The following EPHA2 variants were observed in gnomAD, a reference collection of about 807,000 sequenced individuals.
EPHA2 encodes ephrin type-A receptor 2.
Under a neutral mutation model 104.9 loss-of-function variants are expected in EPHA2, and 54 were observed. The ratio of observed to expected loss-of-function variants is 0.51; its 90% confidence interval spans 0.41 to 0.65. The LOEUF (loss-of-function observed/expected upper bound fraction) is 0.65, where lower values mean the gene tolerates loss of function less well. Ranked by LOEUF, EPHA2 falls within the 30% of genes least tolerant of loss-of-function variation. The pLI, the probability that EPHA2 is intolerant of heterozygous loss-of-function variation, is 0.00. For missense variants in EPHA2, 1,117 were observed against 1,369.5 expected (o/e 0.82, Z 2.91); for synonymous variants, 560 against 559.1 (o/e 1.00, Z -0.02).
chr1:16,137,745 C>T, intron 5 of EPHA2, 108 bp downstream of exon 5: 1 of 1,373,858 alleles, frequency 7.3e-7, no homozygotes, highest in Non-Finnish European at 1.0e-6. Flanking sequence ...CCTTTAACCA[C>T]TTGCTCTGCT....
At position 16,133,641 on chromosome 1, in the gene EPHA2, AGGAGGGGCCCCAT is replaced by A; in HGVS notation, c.1739-48_1739-36del. ...GAAGGGGTGGGGTCACAGGCAGCTCAGGAGGGGCCCCATGGGGGGTGCTCTGGAGTCAGAGGAG... is the reference window on the plus strand; with the variant it reads ...GAAGGGGTGGGGTCACAGGCAGCTCAGGGGGGTGCTCTGGAGTCAGAGGAG... On this transcript the variant is annotated intron_variant, in intron 9 of 16. Coordinates refer to ENST00000358432, the MANE Select transcript of EPHA2 (RefSeq NM_004431.5). 2.5e-6 allele frequency: 4 copies of A among 1,612,892 alleles called. No individual in the cohort carries two copies. The East Asian group carries it at 8.9e-5, about 36-fold the overall frequency.
At chr1:16,143,758 C>T (rs539058813) in intron 3 of EPHA2, among the ~76,000 whole-genome samples, 5 of 152,280 alleles carry the variant, frequency 3.3e-5, no homozygotes, top group East Asian at 3.9e-4. Context: ...AGCAGGTGAC[C>T]GCAGGAACCA....
rs574328737 is a variant in EPHA2 at position 16,142,046 on chromosome 1, A to G, written c.824-3616T>C. On this transcript the variant is annotated intron_variant, in intron 3 of 16. Coordinates refer to ENST00000358432, the MANE Select transcript of EPHA2 (RefSeq NM_004431.5). ...GATTTCCTGGCATTCTAGGCGGGCA[A>G]GTGGGGACAGGGGTCACACACACTC... Among the ~76,000 whole-genome samples the G allele has an allele frequency of 6.6e-5, 10 of 152,240 alleles. 1 individual carries two copies. Among genetic ancestry groups the G allele is most frequent in the African/African-American group, 2.4e-4 (10 of 41,534 alleles).
In EPHA2 at chr1:16,128,216, G is replaced by A. The variant is rs545252078; in HGVS notation, c.2825+1218C>T. Among the ~76,000 whole-genome samples, 1 of 152,344 alleles carries A rather than the reference G, an allele frequency of 6.6e-6. No homozygotes were observed. Among genetic ancestry groups the A allele is most frequent in the South Asian group, 2.1e-4 (1 of 4,824 alleles). ...GGTCACCCGCTAGGAAGTGGCAGAT[G>A]CGGGACTTGAACCCAGGTATGTGTG... On this transcript the variant is annotated intron_variant, in intron 16 of 16. Coordinates refer to ENST00000358432, the MANE Select transcript of EPHA2 (RefSeq NM_004431.5). This position sits in a 1 kb window ranked among gnomAD's most constrained non-coding sequence, Gnocchi z 4.7.
rs369605778 is a variant in EPHA2, at chr1:16,137,892, G to C, written c.1273C>G (p.Arg425Gly). ...CTGACACTGGCAGTACGGAAGCTGC[G>C]GCTGGTTACCAGGCCTGAGACGCCA... is the stretch of plus-strand genomic sequence containing the variant. ...RNGVSGLVTS[R>G]SFRTASVSIN... The change falls in exon 5 of 17, where the codon CGC becomes GGC. Residue 425 changes from arginine (R) to glycine (G), a missense_variant. Arg to Gly is a moderately radical substitution (Grantham distance 125, BLOSUM62 -2). Around this residue, in one of 3 missense-constraint regions of EPHA2, gnomAD observed 664 missense variants for 784.8 expected, o/e 0.85. Transcript: ENST00000358432. The C allele has an allele frequency of 1.1e-5, 17 of 1,613,790 alleles. No homozygotes were observed. The African/African-American group carries it at 1.7e-4, about 16-fold the overall frequency.
At chr1:16,141,706 A>G (rs868383465) in intron 3 of EPHA2, among the ~76,000 whole-genome samples, 1 of 152,228 alleles carries the variant, frequency 6.6e-6, no homozygotes, top group Non-Finnish European at 1.5e-5. Context: ...GGCTGCTTCT[A>G]TGCCAAGAGG....
chr1:16,138,017 A>C lies in EPHA2; in HGVS notation c.1148T>G (p.Val383Gly), dbSNP rs751403034. 1 of 1,613,812 alleles carries C rather than the reference A, an allele frequency of 6.2e-7. No individual in the cohort carries two copies. The highest frequency in any genetic ancestry group is 2.2e-5 in the East Asian group (1 of 44,884). ...SGECGPCEAS[V>G]RYSEPPHGLT... ...TCCGTGAGGAGGCTCCGAGTAGCGC[A>C]CACTGGCCTCACACGGCCCGCATTC... is the stretch of plus-strand genomic sequence containing the variant. Residue 383 changes from valine to glycine, a missense_variant, in exon 5 of 17, where the codon GTG becomes GGG. Physicochemically the swap from Val to Gly is moderately radical, Grantham distance 109 (BLOSUM62 -3). This residue lies in a region of EPHA2 where 664 missense variants were observed against 784.8 expected (regional missense o/e 0.85). Transcript: ENST00000358432.
intron 12 of EPHA2, 48 bp from the exon 13 acceptor site, chr1:16,132,321 G>C (rs1347602329): frequency 6.2e-7 from 1 of 1,613,976 alleles, no homozygotes. Flanking sequence ...GAACCCGCCA[G>C]GCCAGCCCCG....
intron 3 of EPHA2, among the ~76,000 whole-genome samples, chr1:16,145,652 G>A (rs1223420863): frequency 1.3e-5 from 2 of 152,036 alleles, no homozygotes; most frequent in Admixed American, 1.3e-4. Context: ...CCCTCTCCAG[G>A]ACCCCTGCCT....
rs1327908658 is a variant in EPHA2 at position 16,130,580 on chromosome 1, G to T, written c.2476-161C>A. 6.6e-6 allele frequency among the ~76,000 whole-genome samples: 1 copy of T among 152,070 alleles called. No individual in the cohort carries two copies. The highest frequency in any genetic ancestry group is 1.5e-5 in the Non-Finnish European group (1 of 68,010). On this transcript the variant is annotated intron_variant, in intron 14 of 16. Coordinates refer to ENST00000358432, the MANE Select transcript of EPHA2 (RefSeq NM_004431.5). The surrounding 1 kb of genome is among the most constrained non-coding windows in gnomAD (Gnocchi z 4.5). ...GAGCTGCCACCCAACCTTCAGAGCT[G>T]CCCAAAGGGCAAATGCCTAAGGGTC...
At chr1:16,152,224 A>G (rs1017000478) in intron 1 of EPHA2, among the ~76,000 whole-genome samples, 1 of 152,186 alleles carries the variant, frequency 6.6e-6, no homozygotes, top group East Asian at 1.9e-4. Context: ...AAGGACTCAA[A>G]GGGTGGACAG....
chr1:16,152,318 C>T (rs535800329), intron 1 of EPHA2, among the ~76,000 whole-genome samples: 1 of 152,296 alleles, frequency 6.6e-6, no homozygotes, highest in East Asian at 1.9e-4. Context: ...AGACCGCCTC[C>T]TGAAGTGACA....
At chr1:16,146,718 C>CG (rs539227691) in intron 3 of EPHA2, among the ~76,000 whole-genome samples, 85 of 152,292 alleles carry the variant, frequency 5.6e-4, no homozygotes, top group African/African-American at 1.9e-3. Context: ...AACTTCTCAT[C>CG]GGGGGGTTTA....
chr1:16,134,445 C>G lies in EPHA2; in HGVS notation c.1682+23G>C, dbSNP rs758404430. ...TTTTCCCACCCAAGCCCATGTGGAG[C>G]CAGGGTATGGGCTCTGACGAACCTG... On this transcript the variant is annotated intron_variant, in intron 8 of 16. Transcript: ENST00000358432. The surrounding 1 kb of genome is among the most constrained non-coding windows in gnomAD (Gnocchi z 4.5). 1.6e-5 allele frequency: 26 copies of G among 1,612,108 alleles called. No homozygotes were observed. Among genetic ancestry groups the G allele is most frequent in the Non-Finnish European group, 2.1e-5 (25 of 1,178,468 alleles).
chr1:16,137,753 G>T, intron 5 of EPHA2, 100 bp downstream of exon 5: 3 of 1,431,818 alleles, frequency 2.1e-6, no homozygotes, highest in South Asian at 1.2e-5. Flanking sequence ...CACTTGCTCT[G>T]CTGCCTCTCT....
At position 16,125,938 on chromosome 1, in the gene EPHA2, G is replaced by A. The variant is rs2024457610; in HGVS notation, c.2826-618C>T. Among the ~76,000 whole-genome samples the A allele has an allele frequency of 6.6e-6, 1 of 152,176 alleles. No individual in the cohort carries two copies. The highest frequency in any genetic ancestry group is 1.5e-5 in the Non-Finnish European group (1 of 68,030). The stretch of plus-strand genomic sequence containing the variant: ...TGCTGATCATGAAGGAAGGACTTGG[G>A]AAATACTTGAAGGGTTAAACTTTGC... On this transcript the variant is annotated intron_variant, in intron 16 of 16. Coordinates refer to ENST00000358432, the MANE Select transcript of EPHA2 (RefSeq NM_004431.5). The surrounding 1 kb of genome is among the most constrained non-coding windows in gnomAD (Gnocchi z 4.9).
At chr1:16,144,098 C>T (rs1003953519) in intron 3 of EPHA2, among the ~76,000 whole-genome samples, 7 of 152,226 alleles carry the variant, frequency 4.6e-5, no homozygotes, top group Admixed American at 2.0e-4. Context: ...TGCTTTCCCT[C>T]GCCTCCTTCC....
At chr1:16,129,934 G>C (rs193185210) in intron 15 of EPHA2, among the ~76,000 whole-genome samples, 1 of 152,138 alleles carries the variant, frequency 6.6e-6, no homozygotes, top group Non-Finnish European at 1.5e-5. Context: ...CTGTGTCTCA[G>C]TTTCTTCTTC....
At chr1:16,145,043 G>A (rs1376131660) in intron 3 of EPHA2, among the ~76,000 whole-genome samples, 4 of 152,190 alleles carry the variant, frequency 2.6e-5, no homozygotes, top group East Asian at 1.9e-4. Context: ...AGCCTCTCAG[G>A]AGGGAATCTC....
Sources: allele counts gnomAD v4.1 joint callset (sites outside exome capture counted in the v4.1 genomes callset), GRCh38; gene constraint gnomAD v4.1.1; regional missense constraint gnomAD v4.1.1; non-coding constraint Gnocchi (gnomAD v3.1); transcripts MANE v1.5; gene names NCBI Gene and HGNC (gene_info 2026-07-23, HGNC 2026-07-21).